HSF2BP: variants seen among roughly 807,000 people sequenced by gnomAD.
HSF2BP encodes heat shock factor 2-binding protein.
Under a neutral mutation model 35.0 loss-of-function variants are expected in HSF2BP, and 35 were observed. That is an observed-to-expected ratio of 1.00 (90% CI 0.76 to 1.32). The LOEUF (loss-of-function observed/expected upper bound fraction) is 1.32. Ranked by LOEUF, HSF2BP falls within the 40% of genes most tolerant of loss-of-function variation. The probability of loss-of-function intolerance (pLI) is 0.00; values close to 1 mark genes in which losing one functional copy is unlikely to be tolerated. For synonymous variants in HSF2BP, 114 were observed against 117.4 expected (o/e 0.97, Z 0.18); for missense variants, 326 against 321.7 (o/e 1.01, Z -0.10).
At chr21:43,467,995 C>A in the HSF2BP span, among the ~76,000 whole-genome samples, 1 of 123,374 alleles carries the variant, frequency 8.1e-6, no homozygotes, top group Non-Finnish European at 1.7e-5. Context: ...CACACCCACA[C>A]ACACCACACA....
intron 7 of HSF2BP, among the ~76,000 whole-genome samples, chr21:43,595,819 G>GGTTCAA (rs1449344855): frequency 8.0e-6 from 1 of 125,688 alleles, no homozygotes; most frequent in Non-Finnish European, 1.6e-5. Flanking sequence ...CCGCCTCCTG[G>GGTTCAA]GTTCAAGTGA....
At chr21:43,647,196 C>T (rs1396310135) in intron 3 of HSF2BP, among the ~76,000 whole-genome samples, 1 of 152,082 alleles carries the variant, frequency 6.6e-6, no homozygotes, top group East Asian at 1.9e-4. Flanking sequence ...TTACAAACAA[C>T]CTAAATCATA....
the HSF2BP span, among the ~76,000 whole-genome samples, chr21:43,496,344 G>C: frequency 0.014 from 836 of 60,876 alleles, 29 homozygotes; most frequent in African/African-American, 0.05. Flanking sequence ...GGAGGTGAAC[G>C]ATTTCTACAA....
chr21:43,643,289 C>T (rs2082663818), intron 4 of HSF2BP, among the ~76,000 whole-genome samples: 1 of 152,090 alleles, frequency 6.6e-6, no homozygotes, highest in African/African-American at 2.4e-5. Flanking sequence ...AGACTCTCAT[C>T]GCTATGGTTT....
At chr21:43,601,843 CAATT>C (rs2082056344) in intron 7 of HSF2BP, among the ~76,000 whole-genome samples, 1 of 152,144 alleles carries the variant, frequency 6.6e-6, no homozygotes, top group Non-Finnish European at 1.5e-5. Context: ...TTCATTAGGA[CAATT>C]AATTGTAATG....
At chr21:43,574,642 C>T (rs1316843479) in intron 8 of HSF2BP, among the ~76,000 whole-genome samples, 1 of 152,198 alleles carries the variant, frequency 6.6e-6, no homozygotes, top group Non-Finnish European at 1.5e-5. Context: ...CAGGCTTGAG[C>T]CACTGCGCCC....
chr21:43,572,636 G>A (rs182869294), intron 8 of HSF2BP, among the ~76,000 whole-genome samples: 2 of 152,222 alleles, frequency 1.3e-5, no homozygotes, highest in African/African-American at 4.8e-5. Flanking sequence ...AGGTGTCCGA[G>A]AGGACAAGGA....
chr21:43,496,893 G>GC, the HSF2BP span, among the ~76,000 whole-genome samples: 1 of 53,010 alleles, frequency 1.9e-5, no homozygotes, highest in Admixed American at 2.0e-4. Context: ...CTCGTGATCT[G>GC]CCCACCTCTG....
rs763468693 is a variant in HSF2BP at position 43,613,886 on chromosome 21, G to A, written c.636C>T (p.Asp212=). 1.9e-6 allele frequency: 3 copies of A among 1,613,476 alleles called. No individual in the cohort carries two copies. Among genetic ancestry groups the A allele is most frequent in the Non-Finnish European group, 2.5e-6 (3 of 1,179,860 alleles). ...AGTCTCCCAGAAGCTGCAATATGGT[G>A]TCCAAGAGCACCCGGCTTGAATTAA... is the stretch of plus-strand genomic sequence containing the variant. The part of the protein sequence containing the change: ...FLVNSSRVLL[D]TILQLLGDLK... Residue 212 remains aspartate (D), a synonymous_variant, in exon 7 of 9, where the codon GAC becomes GAT. Transcript: ENST00000291560.
chr21:43,657,924 C>T (rs754990978), intron 2 of HSF2BP, 137 bp downstream of exon 2: 12 of 1,480,422 alleles, frequency 8.1e-6, no homozygotes, highest in Non-Finnish European at 8.9e-6. Context: ...CAGCCCACGC[C>T]GTTAGGGGAG....
chr21:43,604,718 GA>G (rs2082105888), intron 7 of HSF2BP, among the ~76,000 whole-genome samples: 1 of 92,114 alleles, frequency 1.1e-5, no homozygotes, highest in Admixed American at 1.2e-4. Flanking sequence ...ACGCATCTCA[GA>G]CACCACATAC....
intron 4 of HSF2BP, among the ~76,000 whole-genome samples, chr21:43,635,660 C>T (rs750997520): frequency 6.6e-6 from 1 of 152,048 alleles, no homozygotes; most frequent in Non-Finnish European, 1.5e-5. Context: ...CTCACACCTA[C>T]AATCCTAGCA....
At chr21:43,619,148 C>T (rs2082304589) in intron 6 of HSF2BP, among the ~76,000 whole-genome samples, 1 of 152,118 alleles carries the variant, frequency 6.6e-6, no homozygotes, top group Admixed American at 6.5e-5. Context: ...ACACTGTAAA[C>T]ACAACTTTTA....
chr21:43,616,862 CA>C (rs1411036998), intron 6 of HSF2BP, among the ~76,000 whole-genome samples: 1 of 150,124 alleles, frequency 6.7e-6, no homozygotes, highest in Non-Finnish European at 1.5e-5. Context: ...ACCTGGGAGG[CA>C]GAGTTTGCAG....
chr21:43,647,420 G>C (rs946122046), intron 3 of HSF2BP, among the ~76,000 whole-genome samples: 1 of 151,958 alleles, frequency 6.6e-6, no homozygotes, highest in African/African-American at 2.4e-5. Context: ...TAGTAGAGAT[G>C]GGGTTTCACT....
intron 8 of HSF2BP, among the ~76,000 whole-genome samples, chr21:43,591,765 T>A (rs865843812): frequency 4.5e-4 from 68 of 152,310 alleles, no homozygotes; most frequent in African/African-American, 1.5e-3. Flanking sequence ...AGTTTTAAAT[T>A]GCACACCATT....
intron 6 of HSF2BP, among the ~76,000 whole-genome samples, chr21:43,616,870 G>A (rs1432275172): frequency 6.6e-6 from 1 of 151,828 alleles, no homozygotes; most frequent in Non-Finnish European, 1.5e-5. Flanking sequence ...GGCAGAGTTT[G>A]CAGTGAGCTG....
chr21:43,584,443 C>A (rs1219852517), intron 8 of HSF2BP, among the ~76,000 whole-genome samples: 1 of 152,160 alleles, frequency 6.6e-6, no homozygotes, highest in Non-Finnish European at 1.5e-5. Context: ...TGTTGGGGCT[C>A]CAACTGACTG....
the HSF2BP span, among the ~76,000 whole-genome samples, chr21:43,501,397 CTTTTTTT>C: frequency 1.5e-5 from 1 of 65,228 alleles, no homozygotes; most frequent in Non-Finnish European, 2.7e-5. Flanking sequence ...CTGTAGCTGT[CTTTTTTT>C]TTTTTTTTTT....
Sources: allele counts gnomAD v4.1 joint callset (sites outside exome capture counted in the v4.1 genomes callset), GRCh38; gene constraint gnomAD v4.1.1; transcripts MANE v1.5; gene names NCBI Gene and HGNC (gene_info 2026-07-23, HGNC 2026-07-21).